The following NEB variants were observed in gnomAD, a reference collection of about 807,000 sequenced individuals.
NEB encodes the protein nemaline myopathy type 2.
A neutral mutation model predicts 952.2 loss-of-function variants in NEB; 512 were observed. That is an observed-to-expected ratio of 0.54 (90% CI 0.50 to 0.58). The LOEUF (loss-of-function observed/expected upper bound fraction) is 0.58. NEB is among the 20% of genes least tolerant of loss of function. NEB has a pLI of 0.00. For synonymous variants in NEB, 2,900 were observed against 3,149.8 expected (o/e 0.92, Z 2.66); for missense variants, 8,428 against 9,231.1 (o/e 0.91, Z 3.56).
Position 151,561,071 on chromosome 2 carries a change from T to A in NEB, c.19139A>T (p.Lys6380Ile). 5 of 1,605,530 alleles carry A rather than the reference T, an allele frequency of 3.1e-6. No homozygotes were observed. Among genetic ancestry groups the A allele is most frequent in the Non-Finnish European group, 3.4e-6 (4 of 1,174,754 alleles). Residue 6380 changes from lysine (K) to isoleucine (I), a missense_variant, in exon 123 of 182, where the codon AAA becomes ATA. Physicochemically the swap from Lys to Ile is moderately radical, Grantham distance 102. Coordinates refer to ENST00000397345, the MANE Select transcript of NEB (RefSeq NM_001164508.2). The part of the protein sequence containing the change: ...YKENYHQIKD[K>I]YTTVLETVDY... ...CACTGTTTCTAGAACTGTTGTGTAT[T>A]TGTCCTTAATCTGATGATAATTTTC...
chr2:151,677,106 T>G (rs1374523346), intron 34 of NEB, among the ~76,000 whole-genome samples: 2 of 152,216 alleles, frequency 1.3e-5, no homozygotes, highest in South Asian at 2.1e-4. Context: ...TATGCTGAAT[T>G]CTTAGGAGCA....
At chr2:151,641,759 T>C (rs1357526293) in intron 60 of NEB, among the ~76,000 whole-genome samples, 1 of 152,232 alleles carries the variant, frequency 6.6e-6, no homozygotes, top group African/African-American at 2.4e-5. Context: ...ATCTAGAGTT[T>C]TTTTTATTCA....
rs1231753187 is a variant in NEB, at chr2:151,663,728, T to C, written c.5583A>G (p.Gly1861=). Residue 1861 remains glycine, a synonymous_variant, in exon 45 of 182, where the codon GGA becomes GGG. Coordinates refer to ENST00000397345, the MANE Select transcript of NEB (RefSeq NM_001164508.2). ...KMQSDREYKK[G]YEKSKTSFHT... The stretch of plus-strand genomic sequence containing the variant: ...GGAAGGAGGTCTTGGATTTCTCATA[T>C]CCCTTCTTGTATTCCCGGTCTGACT... The C allele has an allele frequency of 6.2e-7, 1 of 1,613,660 alleles. No individual in the cohort carries two copies. Among genetic ancestry groups the C allele is most frequent in the East Asian group, 2.2e-5 (1 of 44,880 alleles).
rs759624618 is a variant in NEB at position 151,610,821 on chromosome 2, C to T, written c.11851G>A (p.Val3951Met). The T allele has an allele frequency of 1.4e-5, 22 of 1,605,438 alleles. No individual in the cohort carries two copies. Among genetic ancestry groups the T allele is most frequent in the Middle Eastern group, 1.6e-4 (1 of 6,074 alleles). ...AWDADKTSIH[V>M]MPDTPDILLA... is the part of the protein sequence containing the mutation. ...AGGATATCTGGGGTGTCTGGCATCACGTGGATGGAGGTTTTGTCAGCATCC... is the reference window on the plus strand; with the variant it reads ...AGGATATCTGGGGTGTCTGGCATCATGTGGATGGAGGTTTTGTCAGCATCC... Residue 3951 changes from valine to methionine, a missense_variant, in exon 79 of 182, where the codon GTG becomes ATG. Val to Met is a conservative substitution (Grantham distance 21, BLOSUM62 1). This residue lies in a region of NEB where 337 missense variants were observed against 297.5 expected (regional missense o/e 1.13). Transcript: ENST00000397345.
chr2:151,674,370 T>A (rs2099340655), intron 36 of NEB, 107 bp downstream of exon 36: 2 of 900,810 alleles, frequency 2.2e-6, no homozygotes, highest in Non-Finnish European at 3.6e-6. Flanking sequence ...AGAATTTAAA[T>A]GCCATTAATT....
chr2:151,682,887 A>G (rs751291481), intron 28 of NEB, 118 bp from the exon 29 acceptor site: 66 of 795,024 alleles, frequency 8.3e-5, no homozygotes, highest in Non-Finnish European at 1.3e-4. Context: ...CTTACTCCAG[A>G]CATTAAGGTT....
At chr2:151,620,446 C>T (rs2098391522) in intron 72 of NEB, among the ~76,000 whole-genome samples, 1 of 144,446 alleles carries the variant, frequency 6.9e-6, no homozygotes, top group Non-Finnish European at 1.5e-5. Context: ...TTTTACTACT[C>T]TTGGATTAAT....
At chr2:151,707,096 T>C in intron 12 of NEB, 99 bp from the exon 13 acceptor site, 2 of 746,354 alleles carry the variant, frequency 2.7e-6, no homozygotes, top group South Asian at 3.9e-5. Flanking sequence ...AATTTTCTCT[T>C]TAGAAAAATG....
Position 151,568,408 on chromosome 2 carries a change from G to A in NEB, c.17644C>T (p.Arg5882Trp), listed in dbSNP as rs769673154. The A allele has an allele frequency of 1.2e-5, 19 of 1,573,156 alleles. No individual in the cohort carries two copies. Among genetic ancestry groups the A allele is most frequent in the Admixed American group, 5.6e-5 (3 of 53,934 alleles). ...SGEILDDIKY[R>W]KDWNATKSKY... ...GATTTGGTGGCATTCCAGTCTTTCC[G>A]GTATTTAATCTAAAAAAAAAAAAAT... Residue 5882 changes from arginine (R) to tryptophan (W), a missense_variant, in exon 112 of 182, where the codon CGG (arginine) becomes TGG (tryptophan). Physicochemically the swap from Arg to Trp is moderately radical, Grantham distance 101 (BLOSUM62 -3). Around this residue, in one of 11 missense-constraint regions of NEB, gnomAD observed 3,374 missense variants for 3,651.5 expected, o/e 0.92. Transcript: ENST00000397345.
rs768813228 is a variant in NEB, at chr2:151,565,753, T to C, written c.18224A>G (p.His6075Arg). 5.6e-6 allele frequency: 9 copies of C among 1,612,550 alleles called. No homozygotes were observed. The South Asian group carries it at 9.9e-5, about 18-fold the overall frequency. Residue 6075 changes from histidine to arginine, a missense_variant, in exon 115 of 182, where the codon CAT becomes CGT. Coordinates refer to ENST00000397345, the MANE Select transcript of NEB (RefSeq NM_001164508.2). ...IGWIPLDSVD[H>R]VRVTKNQEMM... ...TTCCTGGTTCTTAGTAACCCTTACATGGTCCACAGAATCCAGTGGGATCCA... is the reference window on the plus strand; with the variant it reads ...TTCCTGGTTCTTAGTAACCCTTACACGGTCCACAGAATCCAGTGGGATCCA...
intron 13 of NEB, among the ~76,000 whole-genome samples, chr2:151,703,901 G>A (rs1451239214): frequency 8.9e-5 from 12 of 134,792 alleles, no homozygotes; most frequent in African/African-American, 2.5e-4. Flanking sequence ...CGTTGCTGGT[G>A]AGGAACTGCG....
chr2:151,615,691 C>T (rs1460787519), intron 76 of NEB, among the ~76,000 whole-genome samples: 1 of 152,078 alleles, frequency 6.6e-6, no homozygotes, highest in Non-Finnish European at 1.5e-5. Flanking sequence ...AACTGCTGCT[C>T]AATTATTTAT....
intron 105 of NEB, among the ~76,000 whole-genome samples, chr2:151,578,361 A>G (rs1025703546): frequency 6.7e-6 from 1 of 150,050 alleles, no homozygotes; most frequent in Non-Finnish European, 1.5e-5. Flanking sequence ...CCCTTCTTTG[A>G]TTCATAGCTG....
At chr2:151,711,174 A>G (rs1349850996) in intron 10 of NEB, among the ~76,000 whole-genome samples, 3 of 152,186 alleles carry the variant, frequency 2.0e-5, no homozygotes, top group Non-Finnish European at 4.4e-5. Context: ...CACAAAATGC[A>G]GCACACAGAA....
chr2:151,498,064 G>A (rs2061505327), intron 170 of NEB, 196 bp downstream of exon 170: 2 of 1,455,672 alleles, frequency 1.4e-6, no homozygotes, highest in African/African-American at 1.4e-5. Context: ...TTTAAAACAT[G>A]TTTGTTTGTA....
rs1290269891 is a variant in NEB, at chr2:151,492,607, AGG to A, written c.24766-115_24766-114del. 14 of 698,782 alleles carry A rather than the reference AGG, an allele frequency of 2.0e-5. No individual in the cohort carries two copies. In the Middle Eastern group the frequency reaches 1.3e-3, roughly 64 times the overall value. 43.3% of individuals were successfully genotyped at this position (698,782 alleles called of 1,614,324 possible). A position where few individuals can be genotyped will look rare whatever the true frequency, so the allele number is the denominator to read the frequency against. On this transcript the variant is annotated intron_variant, in intron 176 of 181. Transcript: ENST00000397345. ...GGTGAGGGACGCTTGGGTCAACTGA[AGG>A]GGCCCAGTGAGACACATGACCAATT...
chr2:151,697,156 A>T lies in NEB; in HGVS notation c.1462T>A (p.Cys488Ser), dbSNP rs749228422. Residue 488 changes from cysteine (C) to serine (S), a missense_variant, in exon 16 of 182, where the codon TGT becomes AGT. Transcript: ENST00000397345. ...TCAGACTACAGACTTACGTCTTTAC[A>T]CTGATCTAGTTTCTTAATTGCTTCA... ...EYEAIKKLDQ[C>S]KDHTYKVHPD... The T allele has an allele frequency of 9.9e-6, 16 of 1,611,376 alleles. No homozygotes were observed. The highest frequency in any genetic ancestry group is 2.7e-5 in the African/African-American group (2 of 74,870).
chr2:151,560,780 C>A, intron 123 of NEB, 81 bp from the exon 124 acceptor site: 1 of 1,086,438 alleles, frequency 9.2e-7, no homozygotes, highest in South Asian at 1.5e-5. Flanking sequence ...CCTTCTGTGT[C>A]TGTCCTTCTC....
In NEB at chr2:151,640,371, T is replaced by C. The variant is rs377096416; in HGVS notation, c.8669A>G (p.Tyr2890Cys). ...AGTACTCACATCGCTCTGGAGGTCATAGGCCTGCCGAGCATGGATGACGTC... is the reference window on the plus strand; with the variant it reads ...AGTACTCACATCGCTCTGGAGGTCACAGGCCTGCCGAGCATGGATGACGTC... The part of the protein sequence containing the change: ...QSDVIHARQA[Y>C]DLQSDNMYKS... Residue 2890 changes from tyrosine to cysteine, a missense_variant, in exon 61 of 182, where the codon TAT (tyrosine) becomes TGT (cysteine). Transcript: ENST00000397345. 4.3e-5 allele frequency: 69 copies of C among 1,613,812 alleles called. No homozygotes were observed. The highest frequency in any genetic ancestry group is 9.3e-5 in the African/African-American group (7 of 74,930).
Sources: allele counts gnomAD v4.1 joint callset (sites outside exome capture counted in the v4.1 genomes callset), GRCh38; gene constraint gnomAD v4.1.1; regional missense constraint gnomAD v4.1.1; transcripts MANE v1.5; gene names NCBI Gene and HGNC (gene_info 2026-07-23, HGNC 2026-07-21).